CLYBL: variants seen among roughly 807,000 people sequenced by gnomAD.
The protein encoded by CLYBL is citramalyl-CoA lyase.
A neutral mutation model predicts 38.9 loss-of-function variants in CLYBL; 31 were observed. That is an observed-to-expected ratio of 0.80 (90% CI 0.60 to 1.08). The LOEUF (loss-of-function observed/expected upper bound fraction) is 1.08. Among genes scored for constraint, CLYBL ranks in the 50% least tolerant of loss-of-function variants. The probability of loss-of-function intolerance (pLI) is 0.00; values close to 1 mark genes in which losing one functional copy is unlikely to be tolerated. For synonymous variants in CLYBL, 171 were observed against 158.6 expected (o/e 1.08, Z -0.59); for missense variants, 434 against 411.6 (o/e 1.05, Z -0.47).
intron 2 of CLYBL, among the ~76,000 whole-genome samples, chr13:99,814,436 G>T (rs2050401810): frequency 6.6e-6 from 1 of 152,212 alleles, no homozygotes; most frequent in Non-Finnish European, 1.5e-5. Flanking sequence ...AAAAAATAGG[G>T]AGAAGACCAG....
At chr13:99,657,855 A>C (rs1107450) in intron 1 of CLYBL, among the ~76,000 whole-genome samples, 22,159 of 152,206 alleles carry the variant, frequency 0.15, 1,877 homozygotes, top group African/African-American at 0.23. Context: ...ATCTGTAAAT[A>C]GTGGTCTTCA....
At chr13:99,860,327 T>C (rs149834460) in intron 3 of CLYBL, among the ~76,000 whole-genome samples, 1,548 of 152,332 alleles carry the variant, frequency 0.01, 9 homozygotes, top group Middle Eastern at 0.017. Flanking sequence ...AGCTACGAGA[T>C]AATTTAAAAT....
chr13:99,835,933 G>C (rs1320426083), intron 2 of CLYBL, among the ~76,000 whole-genome samples: 1 of 152,210 alleles, frequency 6.6e-6, no homozygotes, highest in Non-Finnish European at 1.5e-5. Context: ...CCGCCCAGGG[G>C]CCAGGACTTG....
intron 1 of CLYBL, among the ~76,000 whole-genome samples, chr13:99,673,132 G>A (rs1418341610): frequency 6.6e-6 from 1 of 152,006 alleles, no homozygotes; most frequent in African/African-American, 2.4e-5. Flanking sequence ...GTGCAACAGG[G>A]GCCAGGCATG....
intron 1 of CLYBL, among the ~76,000 whole-genome samples, chr13:99,724,135 G>T (rs1239428214): frequency 1.3e-5 from 2 of 152,108 alleles, no homozygotes; most frequent in Non-Finnish European, 2.9e-5. Flanking sequence ...GTGCCCTGTT[G>T]TGGGGATGTT....
intron 1 of CLYBL, among the ~76,000 whole-genome samples, chr13:99,716,271 G>A (rs558693508): frequency 2.9e-4 from 38 of 132,566 alleles, no homozygotes; most frequent in African/African-American, 1.0e-3. Flanking sequence ...TCAGCCTCCC[G>A]AATAGCTGAA....
At chr13:99,618,912 C>G (rs1044021032) in intron 1 of CLYBL, among the ~76,000 whole-genome samples, 1 of 152,220 alleles carries the variant, frequency 6.6e-6, no homozygotes, top group Non-Finnish European at 1.5e-5. Flanking sequence ...GCTGAATAAT[C>G]TATTGTGTGC....
chr13:99,811,234 A>G (rs2050335172), intron 2 of CLYBL, among the ~76,000 whole-genome samples: 1 of 152,224 alleles, frequency 6.6e-6, no homozygotes, highest in African/African-American at 2.4e-5. Flanking sequence ...CCCACTTTGG[A>G]AACCAGGGGG....
intron 1 of CLYBL, among the ~76,000 whole-genome samples, chr13:99,670,662 C>T (rs1422892573): frequency 6.6e-6 from 1 of 152,026 alleles, no homozygotes; most frequent in Non-Finnish European, 1.5e-5. Context: ...TGTTTTTGGC[C>T]AAAACAACAG....
intron 1 of CLYBL, chr13:99,690,762 A>G (rs1408562050): frequency 1.3e-5 from 2 of 152,174 alleles, no homozygotes; most frequent in Non-Finnish European, 2.9e-5. Flanking sequence ...TTCAGTACCT[A>G]CTTTTCAATT....
At chr13:99,847,435 A>C (rs908418908) in intron 2 of CLYBL, among the ~76,000 whole-genome samples, 3 of 152,226 alleles carry the variant, frequency 2.0e-5, no homozygotes, top group African/African-American at 7.2e-5. Context: ...TCTAACCCGG[A>C]GAAGTGGGGA....
intron 2 of CLYBL, among the ~76,000 whole-genome samples, chr13:99,778,612 T>A (rs1020613000): frequency 6.6e-6 from 1 of 152,192 alleles, no homozygotes; most frequent in African/African-American, 2.4e-5. Context: ...AGCTCCTTCA[T>A]GTCAAGGATG....
intron 1 of CLYBL, among the ~76,000 whole-genome samples, chr13:99,626,068 A>G (rs1288214657): frequency 6.6e-6 from 1 of 152,244 alleles, no homozygotes; most frequent in African/African-American, 2.4e-5. Context: ...GGCCTGTGGT[A>G]GATCCTGAGT....
At chr13:99,855,081 T>C (rs1410617797) in intron 2 of CLYBL, among the ~76,000 whole-genome samples, 1 of 152,204 alleles carries the variant, frequency 6.6e-6, no homozygotes, top group Non-Finnish European at 1.5e-5. Context: ...CACGCTATGG[T>C]AATTAGTCTC....
intron 1 of CLYBL, among the ~76,000 whole-genome samples, chr13:99,679,762 G>C (rs1466473506): frequency 6.6e-6 from 1 of 152,012 alleles, no homozygotes; most frequent in Non-Finnish European, 1.5e-5. Context: ...GGTAGAAATG[G>C]GAAGAAAAGC....
intron 1 of CLYBL, among the ~76,000 whole-genome samples, chr13:99,662,308 A>G (rs747435271): frequency 6.6e-6 from 1 of 152,212 alleles, no homozygotes. Flanking sequence ...TAAAAATCTG[A>G]CACAAGCTAT....
intron 2 of CLYBL, among the ~76,000 whole-genome samples, chr13:99,802,061 A>G (rs2050147005): frequency 6.6e-6 from 1 of 152,154 alleles, no homozygotes; most frequent in Non-Finnish European, 1.5e-5. Context: ...AAATTTACCT[A>G]GAATCTTTTT....
intron 1 of CLYBL, among the ~76,000 whole-genome samples, chr13:99,643,880 C>T (rs1004082173): frequency 4.6e-5 from 7 of 151,922 alleles, no homozygotes; most frequent in Admixed American, 4.6e-4. Flanking sequence ...GTGGCGGCGC[C>T]TGTAATCCCA....
intron 1 of CLYBL, among the ~76,000 whole-genome samples, chr13:99,609,301 C>T (rs1252920610): frequency 3.3e-5 from 5 of 150,554 alleles, no homozygotes; most frequent in South Asian, 2.1e-4. Flanking sequence ...TCCAGCTTCC[C>T]GAGTAGTTGG....
Sources: allele counts gnomAD v4.1 joint callset (sites outside exome capture counted in the v4.1 genomes callset), GRCh38; gene constraint gnomAD v4.1.1; transcripts MANE v1.5; gene names NCBI Gene and HGNC (gene_info 2026-07-23, HGNC 2026-07-21).